CYP2C19: variants seen among roughly 807,000 people sequenced by gnomAD.
CYP2C19 encodes the protein cytochrome P450 family 2 subfamily C member 19.
CYP2C19 carries 59 observed loss-of-function variants against 40.9 expected under a neutral mutation model. That is an observed-to-expected ratio of 1.44 (90% CI 1.17 to 1.79). The LOEUF is 1.79. CYP2C19 is among the 40% of genes most tolerant of loss of function. The pLI is 0.00. For synonymous variants in CYP2C19, 253 were observed against 208.7 expected, an observed-to-expected ratio of 1.21 and a Z score of -1.83; for missense variants, 754 against 596.9, an observed-to-expected ratio of 1.26 and a Z score of -2.74.
At chr10:94,826,365 G>T (rs932290189) in intron 6 of CYP2C19, among the ~76,000 whole-genome samples, 5 of 152,042 alleles carry the variant, frequency 3.3e-5, no homozygotes, top group Admixed American at 2.0e-4. Flanking sequence ...CCTTGAAGAG[G>T]TCCTTCACAT....
intron 7 of CYP2C19, among the ~76,000 whole-genome samples, chr10:94,847,435 C>T (rs2134290148): frequency 6.6e-6 from 1 of 152,182 alleles, no homozygotes; most frequent in Non-Finnish European, 1.5e-5. Context: ...GTGTAGTATT[C>T]CATGGTGTAT....
At chr10:94,826,962 A>C (rs952362796) in intron 6 of CYP2C19, among the ~76,000 whole-genome samples, 1 of 152,140 alleles carries the variant, frequency 6.6e-6, no homozygotes, top group Non-Finnish European at 1.5e-5. Flanking sequence ...GCTGGATTAC[A>C]TTTATTGATT....
At position 94,853,327 on chromosome 10, in the gene CYP2C19, C is replaced by T; in HGVS notation, c.*413C>T. On this transcript the variant is annotated 3_prime_UTR_variant, in exon 9 of 9. Coordinates refer to ENST00000371321, the MANE Select transcript of CYP2C19 (RefSeq NM_000769.4). ...TGACAAATTAAAGAAAATAGAGTTC[C>T]AGGAGGCCATGCTGGTTCTCAAAAC... 2.5e-6 allele frequency: 1 copy of T among 396,844 alleles called. No homozygotes were observed. Among genetic ancestry groups the T allele is most frequent in the Non-Finnish European group, 4.7e-6 (1 of 214,872 alleles). 24.6% of individuals were successfully genotyped at this position (396,844 alleles called of 1,614,324 possible).
chr10:94,809,732 A>C (rs2224566), intron 5 of CYP2C19, among the ~76,000 whole-genome samples: 1 of 151,876 alleles, frequency 6.6e-6, no homozygotes, highest in Admixed American at 6.6e-5. Context: ...ATTTTGAGAT[A>C]CATTCCATCA....
At chr10:94,817,782 G>C (rs897687824) in intron 5 of CYP2C19, among the ~76,000 whole-genome samples, 8 of 152,026 alleles carry the variant, frequency 5.3e-5, no homozygotes, top group Non-Finnish European at 1.2e-4. Flanking sequence ...GGGAGGCCGA[G>C]GCGGGCGGAT....
chr10:94,817,171 T>C (rs1454320277), intron 5 of CYP2C19, among the ~76,000 whole-genome samples: 1 of 146,522 alleles, frequency 6.8e-6, no homozygotes, highest in Admixed American at 6.8e-5. Flanking sequence ...TCCACAATGG[T>C]TGAACTAGTT....
intron 6 of CYP2C19, among the ~76,000 whole-genome samples, chr10:94,833,320 C>G (rs1849358206): frequency 6.6e-6 from 1 of 152,144 alleles, no homozygotes; most frequent in Admixed American, 6.5e-5. Context: ...CAATAGTGGA[C>G]ATCCTTGTCA....
At chr10:94,778,989 C>T (rs1048167435) in intron 3 of CYP2C19, among the ~76,000 whole-genome samples, 6 of 152,090 alleles carry the variant, frequency 3.9e-5, no homozygotes, top group Non-Finnish European at 5.9e-5. Context: ...TGGAAACCAC[C>T]ATCCTCAGCA....
At chr10:94,844,958 C>G (rs1849550332) in intron 7 of CYP2C19, among the ~76,000 whole-genome samples, 1 of 152,180 alleles carries the variant, frequency 6.6e-6, no homozygotes, top group African/African-American at 2.4e-5. Flanking sequence ...TTCATTCACC[C>G]ACCTGCAGGG....
chr10:94,766,724 AG>A (rs1465911893), intron 1 of CYP2C19, among the ~76,000 whole-genome samples: 1 of 152,032 alleles, frequency 6.6e-6, no homozygotes, highest in Non-Finnish European at 1.5e-5. Flanking sequence ...AACAGTTCGC[AG>A]GTGTATTGAG....
chr10:94,820,338 G>C (rs1281883765), intron 5 of CYP2C19, among the ~76,000 whole-genome samples, 158 bp from the exon 6 acceptor site: 1 of 151,880 alleles, frequency 6.6e-6, no homozygotes, highest in Non-Finnish European at 1.5e-5. Context: ...CACAAGACAG[G>C]GATGCCCTCT....
intron 6 of CYP2C19, among the ~76,000 whole-genome samples, chr10:94,835,246 T>G (rs1849384953): frequency 6.6e-6 from 1 of 152,214 alleles, no homozygotes; most frequent in South Asian, 2.1e-4. Context: ...ATCTGCTTGA[T>G]AGTTTTGAAA....
At chr10:94,777,087 C>T (rs944900640) in intron 3 of CYP2C19, among the ~76,000 whole-genome samples, 1 of 152,010 alleles carries the variant, frequency 6.6e-6, no homozygotes, top group South Asian at 2.1e-4. Flanking sequence ...AGAAATACAA[C>T]TTAAAAGGGA....
In CYP2C19 at chr10:94,853,988, C is replaced by CTTT. The variant is rs1849695582; in HGVS notation, c.*1075_*1076insTTT. 6.6e-6 allele frequency among the ~76,000 whole-genome samples: 1 copy of CTTT among 151,862 alleles called. No homozygotes were observed. Among genetic ancestry groups the CTTT allele is most frequent in the African/African-American group, 2.4e-5 (1 of 41,364 alleles). ...GCTGCTCATGTGTTTTGTCATGCTT[C>CTTT]TCTCTTCAAACATGAACAAAATTTC... On this transcript the variant is annotated 3_prime_UTR_variant, in exon 9 of 9. Transcript: ENST00000371321.
intron 7 of CYP2C19, among the ~76,000 whole-genome samples, chr10:94,847,711 C>T (rs1329166173): frequency 6.6e-6 from 1 of 152,164 alleles, no homozygotes; most frequent in African/African-American, 2.4e-5. Flanking sequence ...AAAACTGTTC[C>T]TATTTCTCCA....
chr10:94,782,265 C>A (rs1197426128), intron 5 of CYP2C19, among the ~76,000 whole-genome samples: 1 of 152,026 alleles, frequency 6.6e-6, no homozygotes, highest in Non-Finnish European at 1.5e-5. Flanking sequence ...AAGCTCTGTT[C>A]TGCAGCTTCC....
chr10:94,778,901 G>A (rs925372939), intron 3 of CYP2C19, among the ~76,000 whole-genome samples: 11 of 152,094 alleles, frequency 7.2e-5, no homozygotes, highest in African/African-American at 2.4e-4. Context: ...AAGAAAATGT[G>A]GCACATATAC....
At chr10:94,786,630 C>A (rs2134243226) in intron 5 of CYP2C19, among the ~76,000 whole-genome samples, 1 of 152,226 alleles carries the variant, frequency 6.6e-6, no homozygotes, top group East Asian at 1.9e-4. Context: ...CAAATAATTT[C>A]ATCACCCAGG....
At chr10:94,780,147 G>A (rs140713511) in intron 3 of CYP2C19, among the ~76,000 whole-genome samples, 1 of 152,192 alleles carries the variant, frequency 6.6e-6, no homozygotes, top group East Asian at 1.9e-4. Flanking sequence ...CTATCTCAGT[G>A]CTTTGTTGTC....
Sources: gnomAD v4.1 joint callset for allele counts (sites outside exome capture counted in the v4.1 genomes callset) on GRCh38, gnomAD v4.1.1 for gene constraint, MANE v1.5 for transcripts, NCBI Gene and HGNC (gene_info 2026-07-23, HGNC 2026-07-21) for gene names.